ATXN7: variants seen among roughly 807,000 people sequenced by gnomAD.
The protein encoded by ATXN7 is ataxin-7.
Under a neutral mutation model 70.5 loss-of-function variants are expected in ATXN7, and 12 were observed. The observed-to-expected ratio is 0.17, with a 90% CI of 0.11 to 0.28. ATXN7 has a LOEUF of 0.28. Ranked by LOEUF, ATXN7 falls within the 10% of genes least tolerant of loss-of-function variation. The pLI, the probability that ATXN7 is intolerant of heterozygous loss-of-function variation, is 1.00. For missense variants in ATXN7, 1,256 were observed against 1,131.7 expected, an observed-to-expected ratio of 1.11 and a Z score of -1.58; for synonymous variants, 498 against 448.7, an observed-to-expected ratio of 1.11 and a Z score of -1.39.
chr3:63,928,795 A>T (rs1376843864), intron 4 of ATXN7, among the ~76,000 whole-genome samples: 1 of 152,230 alleles, frequency 6.6e-6, no homozygotes, highest in Non-Finnish European at 1.5e-5. Flanking sequence ...TGTGGGGACA[A>T]CAGGAATAGG....
At chr3:63,942,052 TCAGGAAACC>T (rs1387855275) in intron 4 of ATXN7, among the ~76,000 whole-genome samples, 40 of 152,256 alleles carry the variant, frequency 2.6e-4, no homozygotes, top group Non-Finnish European at 7.4e-5. Flanking sequence ...TCCTAGCATC[TCAGGAAACC>T]TATGAGCAGC....
intron 4 of ATXN7, among the ~76,000 whole-genome samples, chr3:63,934,222 A>G (rs1575917806): frequency 6.6e-6 from 1 of 151,798 alleles, no homozygotes; most frequent in Non-Finnish European, 1.5e-5. Flanking sequence ...AGCCTCTTCC[A>G]CCTCCCACAG....
At chr3:63,952,042 T>A (rs1289157383) in intron 4 of ATXN7, among the ~76,000 whole-genome samples, 1 of 152,234 alleles carries the variant, frequency 6.6e-6, no homozygotes, top group Non-Finnish European at 1.5e-5. Flanking sequence ...ATGGTACAGC[T>A]TTGTGAACTA....
chr3:63,891,306 G>C (rs1052872831), intron 1 of ATXN7, among the ~76,000 whole-genome samples: 2 of 151,852 alleles, frequency 1.3e-5, no homozygotes, highest in East Asian at 3.9e-4. Context: ...ACGAGCGACT[G>C]CACCTGGCCC....
At chr3:63,913,566 T>C (rs1453474089) in intron 4 of ATXN7, among the ~76,000 whole-genome samples, 1 of 152,206 alleles carries the variant, frequency 6.6e-6, no homozygotes, top group Admixed American at 6.5e-5. Context: ...TTGAAACCTT[T>C]CCACGAATGC....
intron 1 of ATXN7, among the ~76,000 whole-genome samples, chr3:63,868,781 ACATGTACTTTATAGTC>A (rs1187238469): frequency 6.6e-6 from 1 of 152,122 alleles, no homozygotes; most frequent in Non-Finnish European, 1.5e-5. Flanking sequence ...AAAATACTGC[ACATGTACTTTATAGTC>A]CATCACCCCT....
Position 63,912,698 on chromosome 3 carries a change from CAG to C in ATXN7, c.101_102del (p.Gln34ProfsTer54). 1 of 1,169,470 alleles carries C rather than the reference CAG, an allele frequency of 8.6e-7. No individual in the cohort carries two copies. The highest frequency in any genetic ancestry group is 4.8e-5 in the East Asian group (1 of 21,010). The allele number at this position is 1,169,470 out of a possible 1,614,324, so 72.4% of individuals were successfully genotyped here. On this transcript the variant is annotated frameshift_variant, in exon 3 of 13. Transcript: ENST00000674280. LOFTEE classifies it high-confidence loss of function. Reference sequence around the variant, plus strand: ...CGCGGCCGCCCGGCAGCAGCAGCAGCAGCAGCAGCAGCAGCAGCCGCCGCCTC... The same window carrying C: ...CGCGGCCGCCCGGCAGCAGCAGCAGCCAGCAGCAGCAGCAGCCGCCGCCTC... The part of the protein sequence containing the change: ...AAAAARQQQQ[Q>X]QQQQQPPPPQ...
At chr3:63,956,462 T>C (rs116963696) in intron 5 of ATXN7, among the ~76,000 whole-genome samples, 2 of 150,194 alleles carry the variant, frequency 1.3e-5, no homozygotes, top group East Asian at 2.0e-4. Context: ...AGGTGTTTCT[T>C]ACTGCTAATT....
At position 63,955,072 on chromosome 3, in the gene ATXN7, C is replaced by T. The variant is rs115474064; in HGVS notation, c.499+2589C>T. Among the ~76,000 whole-genome samples the T allele has an allele frequency of 1.9e-3, 293 of 152,232 alleles. 1 individual carries two copies. The highest frequency in any genetic ancestry group is 6.7e-3 in the African/African-American group (278 of 41,530). Reference sequence around the variant, plus strand: ...CTTTCCTGCCTTTCAGTCCCTAGCACGGTATCTCCTAATAAGATACTTGTT... The same window carrying T: ...CTTTCCTGCCTTTCAGTCCCTAGCATGGTATCTCCTAATAAGATACTTGTT... On this transcript the variant is annotated intron_variant, in intron 5 of 12. Coordinates refer to ENST00000674280, the MANE Select transcript of ATXN7 (RefSeq NM_001377405.1).
Position 63,912,707 on chromosome 3 carries a change from CAG to C in ATXN7, c.110_111del (p.Gln37ProfsTer51). 5.8e-6 allele frequency: 7 copies of C among 1,200,894 alleles called. No individual in the cohort carries two copies. The South Asian group carries it at 9.9e-5, about 17-fold the overall frequency. 74.4% of individuals were successfully genotyped at this position (1,200,894 alleles called of 1,614,324 possible). ...CCGGCAGCAGCAGCAGCAGCAGCAG[CAG>C]CAGCAGCCGCCGCCTCCGCAGCCCC... ...AARQQQQQQQ[Q>X]QQPPPPQPQR... On this transcript the variant is annotated frameshift_variant, in exon 3 of 13. Transcript: ENST00000674280. LOFTEE classifies it high-confidence loss of function.
intron 2 of ATXN7, among the ~76,000 whole-genome samples, chr3:63,899,940 C>G (rs1703573423): frequency 2.0e-5 from 3 of 152,046 alleles, no homozygotes; most frequent in African/African-American, 7.2e-5. Context: ...AAAAATTAGT[C>G]AAGCACAGTG....
chr3:63,963,606 G>T (rs1008011670), intron 5 of ATXN7, among the ~76,000 whole-genome samples: 3 of 152,106 alleles, frequency 2.0e-5, no homozygotes, highest in African/African-American at 7.2e-5. Context: ...CAAAAAAGTG[G>T]ATCCTATTAT....
intron 4 of ATXN7, among the ~76,000 whole-genome samples, chr3:63,949,153 A>G (rs926495156): frequency 1.8e-4 from 28 of 152,180 alleles, no homozygotes; most frequent in African/African-American, 6.7e-4. Context: ...TGTCTCTCAC[A>G]CACACATTAT....
chr3:63,898,895 CCAGCTG>C (rs969943443), intron 2 of ATXN7, among the ~76,000 whole-genome samples: 20 of 152,160 alleles, frequency 1.3e-4, no homozygotes, highest in East Asian at 1.9e-4. Context: ...TAATGTAGAC[CCAGCTG>C]CTTAGGGCAG....
intron 4 of ATXN7, among the ~76,000 whole-genome samples, chr3:63,934,565 T>C (rs2074624054): frequency 6.6e-6 from 1 of 152,176 alleles, no homozygotes; most frequent in South Asian, 2.1e-4. Flanking sequence ...AGGAGTATTA[T>C]GTTGTGGTGA....
At chr3:63,879,419 G>GTTTT (rs1347890737) in intron 1 of ATXN7, among the ~76,000 whole-genome samples, 1 of 149,042 alleles carries the variant, frequency 6.7e-6, no homozygotes, top group Non-Finnish European at 1.5e-5. Context: ...GCTGAAATGT[G>GTTTT]TTTTTTATTA....
Position 64,002,062 on chromosome 3 carries a change from T to C in ATXN7, c.*2595T>C, listed in dbSNP as rs1197109240. Reference sequence around the variant, plus strand: ...AAGAATTATACAAAACCTACTTTTGTATCTTTATTTTGGAATTTCTTGTTC... The same window carrying C: ...AAGAATTATACAAAACCTACTTTTGCATCTTTATTTTGGAATTTCTTGTTC... On this transcript the variant is annotated 3_prime_UTR_variant, in exon 13 of 13. Transcript: ENST00000674280. 1 of 152,438 alleles carries C rather than the reference T, an allele frequency of 6.6e-6. No individual in the cohort carries two copies. The highest frequency in any genetic ancestry group is 1.5e-5 in the Non-Finnish European group (1 of 67,992). 9.4% of individuals were successfully genotyped at this position (152,438 alleles called of 1,614,324 possible).
At chr3:63,963,655 G>A (rs2075168764) in intron 5 of ATXN7, among the ~76,000 whole-genome samples, 1 of 152,178 alleles carries the variant, frequency 6.6e-6, no homozygotes, top group African/African-American at 2.4e-5. Context: ...AATACCTCAT[G>A]TAAATCCATT....
chr3:63,873,912 A>T (rs985627218), intron 1 of ATXN7: 3 of 151,966 alleles, frequency 2.0e-5, no homozygotes, highest in African/African-American at 7.3e-5. Flanking sequence ...TGTTATCTAG[A>T]CTGGTCTCCC....
Sources: allele counts gnomAD v4.1 joint callset (sites outside exome capture counted in the v4.1 genomes callset), GRCh38; gene constraint gnomAD v4.1.1; transcripts MANE v1.5; gene names NCBI Gene and HGNC (gene_info 2026-07-23, HGNC 2026-07-21).